Variants in OR6N1 observed in about 807,000 individuals in gnomAD.
OR6N1 encodes olfactory receptor 6N1.
For missense variants in OR6N1, 394 were observed against 371.7 expected (o/e 1.06, Z -0.49); for synonymous variants, 170 against 150.7 (o/e 1.13, Z -0.94).
At chr1:158,773,943 G>A (rs765826450), upstream of OR6N1, among the ~76,000 whole-genome samples, 1 of 152,136 alleles carries the variant, frequency 6.6e-6, no homozygotes, top group African/African-American at 2.4e-5. Context: ...TTTTTAAAAA[G>A]CTCCTGATTT....
At chr1:158,767,231 C>T (rs1244988267) in intron 1 of OR6N1, among the ~76,000 whole-genome samples, 2 of 152,102 alleles carry the variant, frequency 1.3e-5, no homozygotes, top group Non-Finnish European at 2.9e-5. Context: ...TTTATGAGAA[C>T]TCAGGTCTGC....
At chr1:158,815,642 G>A in the OR6N1 span, among the ~76,000 whole-genome samples, 1 of 152,012 alleles carries the variant, frequency 6.6e-6, no homozygotes, top group Non-Finnish European at 1.5e-5. Context: ...GTAAAACTAG[G>A]CATGAATTTC....
chr1:158,777,900 G>T, the OR6N1 span, among the ~76,000 whole-genome samples: 1 of 152,058 alleles, frequency 6.6e-6, no homozygotes, highest in Non-Finnish European at 1.5e-5. Context: ...CCATTGTTCT[G>T]CCTATTTTGC....
the OR6N1 span, among the ~76,000 whole-genome samples, chr1:158,802,177 G>C: frequency 6.9e-6 from 1 of 145,066 alleles, no homozygotes; most frequent in African/African-American, 2.5e-5. Flanking sequence ...GACTCTAGAA[G>C]TTCTGCAAGT....
chr1:158,806,077 C>T, the OR6N1 span, among the ~76,000 whole-genome samples: 2 of 152,090 alleles, frequency 1.3e-5, no homozygotes, highest in African/African-American at 4.8e-5. Flanking sequence ...TCTAGTGCTG[C>T]CACCACAGGG....
At position 158,765,976 on chromosome 1, in the gene OR6N1, T is replaced by C. The variant is rs762522153; in HGVS notation, c.707A>G (p.Lys236Arg). 4.4e-5 allele frequency: 71 copies of C among 1,614,038 alleles called. No homozygotes were observed. Among genetic ancestry groups the C allele is most frequent in the Non-Finnish European group, 5.3e-5 (63 of 1,179,994 alleles). Residue 236 changes from lysine to arginine, a missense_variant, in exon 2 of 2, where the codon AAG becomes AGG. Transcript: ENST00000641846. ...GTGGGAGGCACACGTGGAGATGGCC[T>C]TCCTCTTGCCGGCAGCTGAGGGAAT... ...LRIPSAAGKR[K>R]AISTCASHFT...
chr1:158,827,624 G>C, the OR6N1 span, among the ~76,000 whole-genome samples: 2 of 152,186 alleles, frequency 1.3e-5, 1 homozygote, highest in Admixed American at 1.3e-4. Flanking sequence ...GAAAGGAGGT[G>C]AGTTAGAACA....
chr1:158,827,883 C>G, the OR6N1 span, among the ~76,000 whole-genome samples: 1 of 152,150 alleles, frequency 6.6e-6, no homozygotes, highest in Non-Finnish European at 1.5e-5. Context: ...GTTTATTGGA[C>G]TTACAATTCC....
the OR6N1 span, among the ~76,000 whole-genome samples, chr1:158,814,044 A>G: frequency 1.3e-5 from 2 of 152,112 alleles, no homozygotes; most frequent in African/African-American, 4.8e-5. Context: ...TTAAGAATGC[A>G]TGTCAATACA....
chr1:158,767,802 G>A (rs1425771283), intron 1 of OR6N1, among the ~76,000 whole-genome samples: 5 of 151,988 alleles, frequency 3.3e-5, no homozygotes, highest in African/African-American at 7.3e-5. Flanking sequence ...TCCAAGAGTC[G>A]GCTATACGCA....
the OR6N1 span, among the ~76,000 whole-genome samples, chr1:158,780,371 G>T: frequency 6.6e-6 from 1 of 152,158 alleles, no homozygotes; most frequent in Non-Finnish European, 1.5e-5. Context: ...ATTATTGCAT[G>T]ATCAAATGTC....
the OR6N1 span, among the ~76,000 whole-genome samples, chr1:158,817,214 A>G: frequency 6.6e-6 from 1 of 152,222 alleles, no homozygotes; most frequent in African/African-American, 2.4e-5. Context: ...TTAAGAAGCA[A>G]TTTTATAAAA....
chr1:158,792,506 A>T, the OR6N1 span, among the ~76,000 whole-genome samples: 1 of 152,056 alleles, frequency 6.6e-6, no homozygotes, highest in Non-Finnish European at 1.5e-5. Flanking sequence ...TTCTATTCTG[A>T]TGTGTATTAA....
the OR6N1 span, among the ~76,000 whole-genome samples, chr1:158,787,075 T>A: frequency 6.6e-6 from 1 of 151,814 alleles, no homozygotes. Context: ...CTGGGAGAGG[T>A]GTTTGAGTCA....
rs200960901 is a variant in OR6N1, at chr1:158,765,718, G to T, written c.*26C>A. ...CTGGGGCCACCATATCCTCAGGCCC[G>T]GCCTTGGCCTACTCTCAGCCCCAAC... On this transcript the variant is annotated 3_prime_UTR_variant, in exon 2 of 2. Coordinates refer to ENST00000641846, the MANE Select transcript of OR6N1 (RefSeq NM_001005185.2). 2 of 1,575,410 alleles carry T rather than the reference G, an allele frequency of 1.3e-6. No homozygotes were observed. The highest frequency in any genetic ancestry group is 1.7e-6 in the Non-Finnish European group (2 of 1,149,616).
the OR6N1 span, among the ~76,000 whole-genome samples, chr1:158,786,750 C>A: frequency 6.6e-6 from 1 of 152,090 alleles, no homozygotes; most frequent in African/African-American, 2.4e-5. Context: ...GAATGGAAAA[C>A]TAAATATCAT....
the OR6N1 span, among the ~76,000 whole-genome samples, chr1:158,798,004 T>A: frequency 2.0e-5 from 3 of 152,066 alleles, no homozygotes; most frequent in Non-Finnish European, 4.4e-5. Context: ...TATAATTTTT[T>A]AGAAATGAAT....
the OR6N1 span, among the ~76,000 whole-genome samples, chr1:158,799,564 G>C: frequency 2.0e-5 from 3 of 152,160 alleles, no homozygotes; most frequent in Non-Finnish European, 2.9e-5. Flanking sequence ...TTTGGATTAA[G>C]TTTAGAATCT....
chr1:158,804,913 T>C, the OR6N1 span, among the ~76,000 whole-genome samples: 1 of 152,126 alleles, frequency 6.6e-6, no homozygotes, highest in Non-Finnish European at 1.5e-5. Context: ...ATATTTATTA[T>C]ATAGAGTGGG....
Sources: allele counts gnomAD v4.1 joint callset (sites outside exome capture counted in the v4.1 genomes callset), GRCh38; gene constraint gnomAD v4.1.1; transcripts MANE v1.5; gene names NCBI Gene and HGNC (gene_info 2026-07-23, HGNC 2026-07-21).